METTL16: variants seen among roughly 807,000 people sequenced by gnomAD.
METTL16 encodes methyltransferase 16, RNA N6-adenosine.
METTL16 carries 19 observed loss-of-function variants against 57.9 expected under a neutral mutation model. The ratio of observed to expected loss-of-function variants is 0.33; its 90% CI spans 0.23 to 0.48. The LOEUF (loss-of-function observed/expected upper bound fraction) is 0.48. METTL16 is among the 20% of genes least tolerant of loss of function. The pLI is 0.99. For missense variants in METTL16, 434 were observed against 691.5 expected, an observed-to-expected ratio of 0.63 and a Z score of 4.18; for synonymous variants, 246 against 255.6, an observed-to-expected ratio of 0.96 and a Z score of 0.36.
chr17:2,502,556 C>T (rs1356139711), intron 1 of METTL16, among the ~76,000 whole-genome samples: 4 of 151,854 alleles, frequency 2.6e-5, no homozygotes, highest in South Asian at 2.1e-4. Context: ...AGCATGGTGG[C>T]GGGAGCCTGT....
At chr17:2,447,763 A>G (rs2067018952) in intron 6 of METTL16, among the ~76,000 whole-genome samples, 1 of 116,450 alleles carries the variant, frequency 8.6e-6, no homozygotes, top group Non-Finnish European at 1.8e-5. Context: ...TGGGGGGATC[A>G]GCCCCCCGCC....
intron 6 of METTL16, among the ~76,000 whole-genome samples, chr17:2,447,359 A>G (rs1237445350): frequency 3.0e-5 from 4 of 132,228 alleles, no homozygotes; most frequent in Non-Finnish European, 6.1e-5. Flanking sequence ...GCCCCGTCTG[A>G]GAAGTGAGGA....
chr17:2,435,619 G>A (rs1188447547), intron 8 of METTL16, among the ~76,000 whole-genome samples: 3 of 152,138 alleles, frequency 2.0e-5, no homozygotes, highest in Non-Finnish European at 4.4e-5. Flanking sequence ...GCTGAAGTGC[G>A]TCTAACAGAA....
At chr17:2,491,689 C>A (rs1411729248) in intron 2 of METTL16, among the ~76,000 whole-genome samples, 4 of 151,156 alleles carry the variant, frequency 2.6e-5, no homozygotes, top group Non-Finnish European at 5.9e-5. Flanking sequence ...TCCTGGCTAA[C>A]ACGGTGAAAC....
intron 6 of METTL16, among the ~76,000 whole-genome samples, chr17:2,461,225 C>T (rs1030331164): frequency 7.9e-5 from 12 of 151,986 alleles, no homozygotes; most frequent in African/African-American, 2.2e-4. Context: ...GGCGTGGTGG[C>T]GCGTGCCTGT....
intron 8 of METTL16, among the ~76,000 whole-genome samples, chr17:2,422,166 G>T (rs998606398): frequency 3.3e-5 from 5 of 151,842 alleles, no homozygotes; most frequent in African/African-American, 1.2e-4. Flanking sequence ...ACAAAAATTA[G>T]CTGGGCATGG....
At chr17:2,510,461 A>AT (rs1318987481) in intron 1 of METTL16, among the ~76,000 whole-genome samples, 12 of 152,216 alleles carry the variant, frequency 7.9e-5, no homozygotes, top group African/African-American at 2.7e-4. Flanking sequence ...CACACACAAC[A>AT]TAATACTCTG....
At chr17:2,447,590 C>G (rs2067013362) in intron 6 of METTL16, among the ~76,000 whole-genome samples, 2 of 115,124 alleles carry the variant, frequency 1.7e-5, no homozygotes, top group Admixed American at 7.4e-5. Flanking sequence ...GGGGGTCAGC[C>G]CCCCGCCCGG....
At chr17:2,445,588 C>T (rs907871054) in intron 6 of METTL16, among the ~76,000 whole-genome samples, 5 of 151,966 alleles carry the variant, frequency 3.3e-5, no homozygotes, top group Non-Finnish European at 7.4e-5. Context: ...GAGTTTGAGA[C>T]CAGCCTGGCC....
intron 1 of METTL16, among the ~76,000 whole-genome samples, chr17:2,509,906 C>A (rs1184544217): frequency 2.8e-5 from 4 of 141,132 alleles, no homozygotes; most frequent in African/African-American, 8.1e-5. Flanking sequence ...AGCAACACTC[C>A]GTCTCAAAAA....
intron 1 of METTL16, among the ~76,000 whole-genome samples, chr17:2,508,472 G>A (rs1410553900): frequency 6.6e-6 from 1 of 152,016 alleles, no homozygotes; most frequent in East Asian, 1.9e-4. Context: ...TATCTTTCTT[G>A]TGATAAACAC....
intron 4 of METTL16, 25 bp downstream of exon 4, chr17:2,473,499 G>A: frequency 1.4e-5 from 23 of 1,593,118 alleles, no homozygotes; most frequent in Non-Finnish European, 1.9e-5. Context: ...ACAAAGTTTG[G>A]AGGCATTCAT....
intron 4 of METTL16, among the ~76,000 whole-genome samples, chr17:2,471,661 C>A (rs916025550): frequency 6.6e-6 from 1 of 152,090 alleles, no homozygotes; most frequent in Admixed American, 6.5e-5. Context: ...CGGTGGCGGG[C>A]GCCTGTAGTC....
chr17:2,487,366 A>G (rs753003772), intron 2 of METTL16, among the ~76,000 whole-genome samples: 50 of 152,370 alleles, frequency 3.3e-4, no homozygotes, highest in Non-Finnish European at 5.9e-4. Flanking sequence ...CCTGGCACGG[A>G]TAACAGCGAT....
chr17:2,466,953 C>A (rs959132779), intron 5 of METTL16, among the ~76,000 whole-genome samples: 10 of 152,010 alleles, frequency 6.6e-5, no homozygotes, highest in African/African-American at 2.4e-4. Flanking sequence ...CAGGCACACG[C>A]CATAGTGCCT....
intron 2 of METTL16, among the ~76,000 whole-genome samples, chr17:2,493,580 G>A (rs1375046570): frequency 1.3e-5 from 2 of 152,000 alleles, no homozygotes; most frequent in Non-Finnish European, 2.9e-5. Context: ...TTAGCCAGCT[G>A]TAGTGGCACA....
At chr17:2,422,675 A>G (rs1457867251) in intron 8 of METTL16, among the ~76,000 whole-genome samples, 1 of 151,216 alleles carries the variant, frequency 6.6e-6, no homozygotes, top group South Asian at 2.1e-4. Flanking sequence ...CAGCCTGAGA[A>G]TTTCTTTCTT....
chr17:2,502,632 G>A (rs2067497909), intron 1 of METTL16, among the ~76,000 whole-genome samples: 1 of 151,806 alleles, frequency 6.6e-6, no homozygotes, highest in South Asian at 2.1e-4. Flanking sequence ...AGGGTGCAGT[G>A]AGCCGAGATC....
At chr17:2,451,736 TA>T in intron 6 of METTL16, among the ~76,000 whole-genome samples, 1 of 152,002 alleles carries the variant, frequency 6.6e-6, no homozygotes, top group East Asian at 1.9e-4. Context: ...CGGGAGCAAT[TA>T]GTGCTGACAC....
Sources: gnomAD v4.1 joint callset for allele counts (sites outside exome capture counted in the v4.1 genomes callset) on GRCh38, gnomAD v4.1.1 for gene constraint, MANE v1.5 for transcripts, NCBI Gene and HGNC (gene_info 2026-07-23, HGNC 2026-07-21) for gene names.